The following AFF2 variants were observed in gnomAD, a reference collection of about 807,000 sequenced individuals.
AFF2 encodes AF4/FMR2 family member 2.
AFF2 carries 14 observed loss-of-function variants against 76.9 expected under a neutral mutation model. The observed-to-expected ratio is 0.18, with a 90% confidence interval of 0.12 to 0.28. The LOEUF is 0.28. Among genes scored for constraint, AFF2 ranks in the 10% least tolerant of loss-of-function variants. The probability of loss-of-function intolerance (pLI) is 1.00; values close to 1 mark genes in which losing one functional copy is unlikely to be tolerated. For missense variants in AFF2, 868 were observed against 1,001.1 expected (o/e 0.87, Z 1.79); for synonymous variants, 398 against 366.7 (o/e 1.09, Z -0.98).
chrX:148,966,222 G>A (rs1039131194), intron 13 of AFF2, among the ~76,000 whole-genome samples: 4 of 111,502 alleles, frequency 3.6e-5, no homozygotes, highest in African/African-American at 3.3e-5. Context: ...ACAAAAGGGC[G>A]GCTTCAACCT....
intron 3 of AFF2, among the ~76,000 whole-genome samples, chrX:148,765,965 T>G (rs2069510639): frequency 9.3e-6 from 1 of 106,999 alleles, no homozygotes; most frequent in African/African-American, 3.4e-5. Flanking sequence ...TTTGGTTTTT[T>G]GTTCTTGAGA....
intron 7 of AFF2, among the ~76,000 whole-genome samples, chrX:148,883,717 G>A (rs1197121804): frequency 9.0e-6 from 1 of 110,883 alleles, no homozygotes; most frequent in Non-Finnish European, 1.9e-5. Context: ...TTCCATGTTT[G>A]TCTCCGTGAT....
chrX:148,673,928 G>A (rs2054452235), intron 3 of AFF2, among the ~76,000 whole-genome samples: 2 of 112,547 alleles, frequency 1.8e-5, no homozygotes, highest in South Asian at 3.6e-4. Context: ...GAAGTATAAA[G>A]TTTCTTTTCA....
rs1370381755 is a variant in AFF2 at position 148,531,047 on chromosome X, A to G, written c.47+29903A>G. Among the ~76,000 whole-genome samples the G allele has an allele frequency of 5.3e-5, 6 of 112,292 alleles. No homozygotes were observed. The Admixed American group carries it at 5.7e-4, about 11-fold the overall frequency. On this transcript the variant is annotated intron_variant, in intron 1 of 20. Transcript: ENST00000370460. ...CAGTGAATTGTTCATTAAGAAAAAT[A>G]TAACTTCTGTTTATTAAAATGGACT...
At chrX:148,614,326 C>T (rs1351364048) in intron 1 of AFF2, among the ~76,000 whole-genome samples, 1 of 111,853 alleles carries the variant, frequency 8.9e-6, no homozygotes, top group Non-Finnish European at 1.9e-5. Context: ...TGAATTGGCC[C>T]TTTGAATGAG....
At chrX:148,775,445 A>G (rs2124605351) in intron 3 of AFF2, among the ~76,000 whole-genome samples, 1 of 112,061 alleles carries the variant, frequency 8.9e-6, no homozygotes, top group Non-Finnish European at 1.9e-5. Context: ...GGTTAGCCCC[A>G]TTTGCCAGTG....
intron 6 of AFF2, 92 bp from the exon 7 acceptor site, chrX:148,843,289 CG>C: frequency 1.3e-6 from 1 of 755,946 alleles, no homozygotes; most frequent in Non-Finnish European, 2.0e-6. Flanking sequence ...GAAGGTAACT[CG>C]GGGGACTGCA....
rs781912358 is a variant in AFF2 at position 148,523,218 on chromosome X, AATTT to A, written c.47+22083_47+22086del. On this transcript the variant is annotated intron_variant, in intron 1 of 20. Coordinates refer to ENST00000370460, the MANE Select transcript of AFF2 (RefSeq NM_002025.4). ...TAGATCCAGGTCCTGTATATGATTA[AATTT>A]ATTTATTTTCATTTTTAAGTGAAAA... is the stretch of plus-strand genomic sequence containing the variant. Among the ~76,000 whole-genome samples the A allele has an allele frequency of 8.0e-5, 9 of 112,459 alleles. No individual in the cohort carries two copies. The Admixed American group carries it at 8.5e-4, about 11-fold the overall frequency.
chrX:148,875,497 A>AGTCTGTTT (rs1245973683), intron 7 of AFF2, among the ~76,000 whole-genome samples: 2 of 111,921 alleles, frequency 1.8e-5, no homozygotes, highest in Non-Finnish European at 3.8e-5. Flanking sequence ...GGATGATATT[A>AGTCTGTTT]GTCTGTTTGT....
rs1557288890 is a variant in AFF2, at chrX:148,967,086, T to G, written c.3203+7T>G. 4.1e-6 allele frequency: 5 copies of G among 1,208,194 alleles called. 1 individual carries two copies. In the Admixed American group the frequency reaches 1.1e-4, roughly 26 times the overall value. The stretch of plus-strand genomic sequence containing the variant: ...AGCTCACTTTTGATGACTCGTATGT[T>G]GTTCCAGATTATCATGGACAGTTTG... On this transcript the variant is annotated splice_region_variant and intron_variant, in intron 14 of 20. Transcript: ENST00000370460.
chrX:148,575,182 T>G (rs1557243252), intron 1 of AFF2, among the ~76,000 whole-genome samples: 1 of 111,413 alleles, frequency 9.0e-6, no homozygotes. Flanking sequence ...GTAATTAGCT[T>G]TCTTACAATT....
intron 3 of AFF2, among the ~76,000 whole-genome samples, chrX:148,727,459 T>C (rs377011533): frequency 6.3e-5 from 7 of 111,609 alleles, no homozygotes; most frequent in Middle Eastern, 4.6e-3. Flanking sequence ...AATGGGAAAT[T>C]GGCTTATACA....
intron 3 of AFF2, among the ~76,000 whole-genome samples, chrX:148,805,661 G>A (rs1044781852): frequency 1.8e-5 from 2 of 112,533 alleles, no homozygotes; most frequent in Non-Finnish European, 3.8e-5. Context: ...AATATTTGAT[G>A]ATTTAAAGGT....
At chrX:148,761,040 A>G (rs1426747421) in intron 3 of AFF2, among the ~76,000 whole-genome samples, 1 of 111,856 alleles carries the variant, frequency 8.9e-6, no homozygotes. Context: ...ATTTAAGAAC[A>G]CTATTCCTAT....
At chrX:148,757,665 T>G (rs1470058440) in intron 3 of AFF2, among the ~76,000 whole-genome samples, 1 of 111,711 alleles carries the variant, frequency 9.0e-6, no homozygotes, top group African/African-American at 3.2e-5. Context: ...GCAGGAAGAC[T>G]TGTTCATTTC....
At chrX:148,537,809 G>A (rs2052802767) in intron 1 of AFF2, among the ~76,000 whole-genome samples, 1 of 111,451 alleles carries the variant, frequency 9.0e-6, no homozygotes. Context: ...GAAATGAAGC[G>A]CTGATAGCAG....
At chrX:148,962,019 G>A (rs1557288071) in intron 12 of AFF2, among the ~76,000 whole-genome samples, 1 of 112,317 alleles carries the variant, frequency 8.9e-6, no homozygotes, top group African/African-American at 3.2e-5. Context: ...TGAAAGCACG[G>A]GAGTACTTTT....
At chrX:148,958,221 T>C in intron 11 of AFF2, 116 bp from the exon 12 acceptor site, 3 of 1,006,231 alleles carry the variant, frequency 3.0e-6, no homozygotes, top group Non-Finnish European at 4.1e-6. Flanking sequence ...ACCTACCTAA[T>C]CTAGAAGTTA....
At chrX:148,522,001 G>A (rs2052606188) in intron 1 of AFF2, among the ~76,000 whole-genome samples, 1 of 112,191 alleles carries the variant, frequency 8.9e-6, no homozygotes, top group African/African-American at 3.2e-5. Flanking sequence ...TTCCGCCACA[G>A]TGCAAGCATT....
Sources: allele counts gnomAD v4.1 joint callset (sites outside exome capture counted in the v4.1 genomes callset), GRCh38; gene constraint gnomAD v4.1.1; transcripts MANE v1.5; gene names NCBI Gene and HGNC (gene_info 2026-07-23, HGNC 2026-07-21).